The following LVRN variants were observed in gnomAD, a reference collection of about 807,000 sequenced individuals.
The protein encoded by LVRN is aminopeptidase Q.
LVRN carries 99 observed loss-of-function variants against 111.4 expected under a neutral mutation model. The ratio of observed to expected loss-of-function variants is 0.89; its 90% CI spans 0.76 to 1.05. The LOEUF (loss-of-function observed/expected upper bound fraction) is 1.05. Ranked by LOEUF, LVRN falls within the 50% of genes least tolerant of loss-of-function variation. The probability of loss-of-function intolerance (pLI) is 0.00; values close to 1 mark genes in which losing one functional copy is unlikely to be tolerated. For synonymous variants in LVRN, 488 were observed against 449.5 expected (o/e 1.09, Z -1.08); for missense variants, 1,414 against 1,206.8 (o/e 1.17, Z -2.54).
intron 13 of LVRN, among the ~76,000 whole-genome samples, chr5:116,010,094 C>A (rs1748454330): frequency 1.3e-5 from 2 of 152,186 alleles, no homozygotes; most frequent in South Asian, 4.1e-4. Context: ...CCACCCTGAT[C>A]AGTTAGCAGC....
chr5:115,987,403 A>G (rs901201677), intron 3 of LVRN, among the ~76,000 whole-genome samples: 1 of 152,192 alleles, frequency 6.6e-6, no homozygotes, highest in African/African-American at 2.4e-5. Flanking sequence ...CTTAATATGT[A>G]CCATACTATA....
At position 115,992,148 on chromosome 5, in the gene LVRN, C is replaced by G; in HGVS notation, c.1131C>G (p.Asp377Glu). The G allele has an allele frequency of 2.5e-6, 4 of 1,613,408 alleles. No homozygotes were observed. The highest frequency in any genetic ancestry group is 3.4e-6 in the Non-Finnish European group (4 of 1,179,692). The change falls in exon 5 of 20, where the codon GAC (aspartate) becomes GAG (glutamate). Residue 377 changes from aspartate to glutamate, a missense_variant. Transcript: ENST00000357872. ...KTDIIALPSF[D>E]NHAMENWGLM... ...ATATAATTGCCTTGCCTAGTTTTGA[C>G]AACCATGCAATGGAAAACTGGGGAC...
At chr5:115,989,897 C>G (rs1747947254) in intron 4 of LVRN, among the ~76,000 whole-genome samples, 1 of 152,108 alleles carries the variant, frequency 6.6e-6, no homozygotes, top group South Asian at 2.1e-4. Flanking sequence ...TAACTCTTTG[C>G]TGAGTCACAA....
intron 3 of LVRN, among the ~76,000 whole-genome samples, chr5:115,986,122 T>G (rs1366200): frequency 0.41 from 62,868 of 152,148 alleles, 14,558 homozygotes; most frequent in East Asian, 0.89. Flanking sequence ...ATAATACCGT[T>G]TTAGATGCAA....
At chr5:116,005,680 C>A in intron 12 of LVRN, 2 of 551,998 alleles carry the variant, frequency 3.6e-6, no homozygotes, top group South Asian at 3.5e-5. Flanking sequence ...AAACTTTCTG[C>A]CATATTTAAA....
At chr5:115,967,002 T>C (rs1315394618) in intron 1 of LVRN, among the ~76,000 whole-genome samples, 3 of 152,238 alleles carry the variant, frequency 2.0e-5, no homozygotes, top group African/African-American at 4.8e-5. Flanking sequence ...TTTTTTACTG[T>C]TGAATTCTGG....
At chr5:116,019,556 T>C (rs2112642963) in intron 18 of LVRN, among the ~76,000 whole-genome samples, 1 of 152,374 alleles carries the variant, frequency 6.6e-6, no homozygotes, top group Admixed American at 6.5e-5. Context: ...CCTCTGCCCA[T>C]AGTCAGTTGC....
At chr5:116,010,377 G>A in intron 13 of LVRN, 1 of 343,886 alleles carries the variant, frequency 2.9e-6, no homozygotes, top group Non-Finnish European at 5.7e-6. Flanking sequence ...ATCAGTAGCT[G>A]TCAGAGCATT....
Position 115,963,244 on chromosome 5 carries a change from G to T in LVRN, c.627G>T (p.Ser209=). 1 of 1,612,754 alleles carries T rather than the reference G, an allele frequency of 6.2e-7. No homozygotes were observed. Among genetic ancestry groups the T allele is most frequent in the Non-Finnish European group, 8.5e-7 (1 of 1,179,890 alleles). ...GCTACGAGCTGCAGCTTAGCTTCTC[G>T]GGCCTGGTGAAGGAAGACCTCAGGG... ...GSSYELQLSF[S]GLVKEDLREG... is the part of the protein sequence containing the mutation. The change falls in exon 1 of 20, where the codon TCG becomes TCT. Residue 209 remains serine, a synonymous_variant. Coordinates refer to ENST00000357872, the MANE Select transcript of LVRN (RefSeq NM_173800.5).
chr5:116,024,798 A>G (rs987793455), intron 19 of LVRN, among the ~76,000 whole-genome samples: 3 of 152,206 alleles, frequency 2.0e-5, no homozygotes, highest in Non-Finnish European at 4.4e-5. Flanking sequence ...AAAAAAATAT[A>G]TGAATTAGCT....
intron 12 of LVRN, among the ~76,000 whole-genome samples, chr5:116,005,069 A>G (rs927257592): frequency 6.6e-6 from 1 of 152,234 alleles, no homozygotes; most frequent in Non-Finnish European, 1.5e-5. Flanking sequence ...ATTGAAAAAC[A>G]GAGGCAAATT....
At chr5:116,000,369 T>C in intron 7 of LVRN, 64 bp from the exon 8 acceptor site, 2 of 1,566,232 alleles carry the variant, frequency 1.3e-6, no homozygotes, top group African/African-American at 1.4e-5. Context: ...CTTATAAATA[T>C]GGAATGTGTC....
At chr5:115,990,996 T>G (rs979471003) in intron 4 of LVRN, among the ~76,000 whole-genome samples, 9 of 152,184 alleles carry the variant, frequency 5.9e-5, no homozygotes, top group Admixed American at 4.6e-4. Context: ...TCTCCTGTTG[T>G]CAACATCTTG....
chr5:115,995,397 G>C (rs936808407), intron 6 of LVRN: 1 of 152,132 alleles, frequency 6.6e-6, no homozygotes, highest in South Asian at 2.1e-4. Context: ...CCACCTCCCC[G>C]CCCTTTACAG....
chr5:115,984,428 A>G, intron 2 of LVRN, 142 bp from the exon 3 acceptor site: 1 of 976,076 alleles, frequency 1.0e-6, no homozygotes, highest in Non-Finnish European at 1.5e-6. Context: ...ATAGCTTAGG[A>G]GTAGGTGGAG....
chr5:116,000,239 A>T lies in LVRN; in HGVS notation c.1516-194A>T, dbSNP rs145927481. Among the ~76,000 whole-genome samples the T allele has an allele frequency of 5.0e-3, 764 of 152,352 alleles. 5 individuals are homozygous for T. Among genetic ancestry groups the T allele is most frequent in the African/African-American group, 0.018 (731 of 41,588 alleles). ...ACTCTGTACTCTTTACATGTAGGAC[A>T]TCTGCTTACCTTTTACCTCTGAATT... On this transcript the variant is annotated intron_variant, in intron 7 of 19. Transcript: ENST00000357872.
In LVRN at chr5:115,993,780, A is replaced by T. The variant is rs373046941; in HGVS notation, c.1300A>T (p.Ile434Phe). Residue 434 changes from isoleucine to phenylalanine, a missense_variant, in exon 6 of 20, where the codon ATC becomes TTC. Ile to Phe is a conservative substitution (Grantham distance 21). Transcript: ENST00000357872. The stretch of plus-strand genomic sequence containing the variant: ...GGTTACCATGAATTGGTGGAACAAT[A>T]TCTGGCTCAACGAGGGTTTTGCATC... ...NLVTMNWWNN[I>F]WLNEGFASYF... The T allele has an allele frequency of 7.4e-6, 12 of 1,610,998 alleles. No homozygotes were observed. The African/African-American group carries it at 1.6e-4, about 22-fold the overall frequency.
In LVRN at chr5:115,996,610, T is replaced by C. The variant is rs1433436406; in HGVS notation, c.1374+2756T>C. On this transcript the variant is annotated intron_variant, in intron 6 of 19. Transcript: ENST00000357872. ...CCCTTATGCAGAAACAGATTTACAA[T>C]TTTTTCTATTTCGAGGTCTAATTTC... Among the ~76,000 whole-genome samples, 3 of 152,198 alleles carry C rather than the reference T, an allele frequency of 2.0e-5. No individual in the cohort carries two copies. In the East Asian group the frequency reaches 5.8e-4, roughly 29 times the overall value.
At chr5:116,015,834 C>A (rs148108991) in intron 18 of LVRN, 69 bp downstream of exon 18, 1 of 1,568,972 alleles carries the variant, frequency 6.4e-7, no homozygotes, top group South Asian at 1.2e-5. Context: ...CAGCTTTAGT[C>A]TAGCTTGGAA....
Sources: allele counts gnomAD v4.1 joint callset (sites outside exome capture counted in the v4.1 genomes callset), GRCh38; gene constraint gnomAD v4.1.1; transcripts MANE v1.5; gene names NCBI Gene and HGNC (gene_info 2026-07-23, HGNC 2026-07-21).